The following UIMC1 variants were observed in gnomAD, a reference collection of about 807,000 sequenced individuals.
The protein encoded by UIMC1 is ubiquitin interaction motif containing 1.
A neutral mutation model predicts 84.9 loss-of-function variants in UIMC1; 42 were observed. The observed-to-expected ratio is 0.49, with a 90% CI of 0.39 to 0.64. The LOEUF is 0.64. UIMC1 is among the 30% of genes least tolerant of loss of function. The probability of loss-of-function intolerance (pLI) is 0.00; values close to 1 mark genes in which losing one functional copy is unlikely to be tolerated. For synonymous variants in UIMC1, 281 were observed against 293.0 expected, an observed-to-expected ratio of 0.96 and a Z score of 0.42; for missense variants, 825 against 847.6, an observed-to-expected ratio of 0.97 and a Z score of 0.33.
intron 9 of UIMC1, among the ~76,000 whole-genome samples, chr5:176,950,545 G>T (rs979515706): frequency 6.6e-6 from 1 of 151,636 alleles, no homozygotes; most frequent in Non-Finnish European, 1.5e-5. Context: ...GGAATTCCAG[G>T]TAAACTGTTT....
At chr5:176,938,813 G>C (rs1242161365) in intron 10 of UIMC1, among the ~76,000 whole-genome samples, 1 of 152,106 alleles carries the variant, frequency 6.6e-6, no homozygotes. Flanking sequence ...ACATTTACTT[G>C]GGTACACAAT....
intron 8 of UIMC1, among the ~76,000 whole-genome samples, chr5:176,954,954 A>G (rs1322822722): frequency 6.6e-6 from 1 of 152,168 alleles, no homozygotes; most frequent in African/African-American, 2.4e-5. Flanking sequence ...GCTATACGAG[A>G]CCTGAGGGAA....
chr5:176,981,720 G>C (rs1287256378), intron 2 of UIMC1, among the ~76,000 whole-genome samples: 2 of 152,018 alleles, frequency 1.3e-5, no homozygotes, highest in Non-Finnish European at 2.9e-5. Context: ...ACCAGGAGAA[G>C]GAAGGTGGAG....
At chr5:176,915,915 TG>T (rs933425806) in intron 10 of UIMC1, among the ~76,000 whole-genome samples, 2 of 150,046 alleles carry the variant, frequency 1.3e-5, no homozygotes, top group Non-Finnish European at 3.0e-5. Context: ...AGCTAAAGAA[TG>T]GGAAGAGAAA....
intron 1 of UIMC1, among the ~76,000 whole-genome samples, chr5:177,019,668 A>G (rs998940100): frequency 6.6e-6 from 1 of 151,568 alleles, no homozygotes; most frequent in Non-Finnish European, 1.5e-5. Flanking sequence ...GTGGTAGCTC[A>G]TGCCTGTAAT....
chr5:177,003,091 G>A (rs975872416), intron 1 of UIMC1, among the ~76,000 whole-genome samples: 5 of 151,884 alleles, frequency 3.3e-5, no homozygotes, highest in Non-Finnish European at 5.9e-5. Flanking sequence ...TGCATTTAAC[G>A]CACAGGATAA....
chr5:176,953,353 A>C (rs1451750605), intron 8 of UIMC1, among the ~76,000 whole-genome samples: 1 of 152,200 alleles, frequency 6.6e-6, no homozygotes, highest in Non-Finnish European at 1.5e-5. Context: ...TTGCTTCACA[A>C]AACAATAAAT....
At chr5:176,998,380 C>A (rs1773945789) in intron 1 of UIMC1, among the ~76,000 whole-genome samples, 1 of 148,602 alleles carries the variant, frequency 6.7e-6, no homozygotes, top group Admixed American at 6.8e-5. Flanking sequence ...ACAAGAATCA[C>A]TTGAACCCAG....
chr5:176,931,692 G>C (rs1763104476), intron 10 of UIMC1, among the ~76,000 whole-genome samples: 1 of 152,222 alleles, frequency 6.6e-6, no homozygotes. Flanking sequence ...AAAGTTGTTA[G>C]AAGACAACTG....
intron 10 of UIMC1, among the ~76,000 whole-genome samples, chr5:176,931,459 T>G (rs1763071090): frequency 6.6e-6 from 1 of 152,052 alleles, no homozygotes; most frequent in Admixed American, 6.6e-5. Context: ...AATCCTGAGG[T>G]GGGGGGCTCC....
intron 10 of UIMC1, among the ~76,000 whole-genome samples, chr5:176,926,019 A>AT (rs1384002594): frequency 2.0e-5 from 3 of 152,224 alleles, no homozygotes; most frequent in Admixed American, 2.0e-4. Context: ...TAGATTTGTA[A>AT]TAAAACATAG....
At chr5:176,914,086 C>T (rs1760666473) in intron 10 of UIMC1, among the ~76,000 whole-genome samples, 1 of 152,060 alleles carries the variant, frequency 6.6e-6, no homozygotes, top group Admixed American at 6.6e-5. Flanking sequence ...CCACACCACA[C>T]CATACCATAC....
At chr5:176,992,773 T>C (rs1773072234) in intron 1 of UIMC1, among the ~76,000 whole-genome samples, 2 of 152,094 alleles carry the variant, frequency 1.3e-5, no homozygotes, top group South Asian at 4.1e-4. Context: ...GCTACTGCAC[T>C]CCAGCCTAGG....
intron 9 of UIMC1, among the ~76,000 whole-genome samples, chr5:176,944,785 T>C (rs1340680117): frequency 6.6e-5 from 10 of 152,128 alleles, no homozygotes; most frequent in Admixed American, 6.5e-4. Context: ...TGCCAGAAAA[T>C]GTCCTGTTTT....
At chr5:176,942,102 C>T (rs1764511271) in intron 10 of UIMC1, among the ~76,000 whole-genome samples, 1 of 152,180 alleles carries the variant, frequency 6.6e-6, no homozygotes, top group Non-Finnish European at 1.5e-5. Flanking sequence ...GCCTCAGCCT[C>T]CCAAAGGGAT....
intron 2 of UIMC1, among the ~76,000 whole-genome samples, 190 bp from the exon 3 acceptor site, chr5:176,975,670 G>C (rs892467986): frequency 6.6e-6 from 1 of 152,120 alleles, no homozygotes; most frequent in Non-Finnish European, 1.5e-5. Context: ...AATAAAAACT[G>C]TAAGAACAAA....
chr5:176,974,717 T>A (rs1769784011), intron 3 of UIMC1, among the ~76,000 whole-genome samples: 1 of 151,540 alleles, frequency 6.6e-6, no homozygotes, highest in Admixed American at 6.6e-5. Context: ...GAGGCTGAGG[T>A]GGGAGAATCG....
intron 10 of UIMC1, among the ~76,000 whole-genome samples, chr5:176,925,055 A>G (rs1433193441): frequency 6.6e-6 from 1 of 152,080 alleles, no homozygotes; most frequent in Non-Finnish European, 1.5e-5. Context: ...AAAGAAAGCA[A>G]AAGAAAATGA....
chr5:176,976,726 C>A (rs1282998218), intron 2 of UIMC1, among the ~76,000 whole-genome samples: 1 of 152,218 alleles, frequency 6.6e-6, no homozygotes, highest in Admixed American at 6.5e-5. Flanking sequence ...CCAGAATGGG[C>A]AAATCCATAT....
Sources: gnomAD v4.1 joint callset for allele counts (sites outside exome capture counted in the v4.1 genomes callset) on GRCh38, gnomAD v4.1.1 for gene constraint, MANE v1.5 for transcripts, NCBI Gene and HGNC (gene_info 2026-07-23, HGNC 2026-07-21) for gene names.